DIP2C: variants seen among roughly 807,000 people sequenced by gnomAD.
DIP2C encodes the protein DIP2 acetate--CoA ligase C (putative), also known as disco-interacting protein 2 homolog C.
A neutral mutation model predicts 192.4 loss-of-function variants in DIP2C; 33 were observed. The ratio of observed to expected loss-of-function variants is 0.17; its 90% CI spans 0.13 to 0.23. DIP2C has a LOEUF of 0.23. DIP2C is among the 10% of genes least tolerant of loss of function. The pLI is 1.00. For missense variants in DIP2C, 1,537 were observed against 2,110.1 expected, an observed-to-expected ratio of 0.73 and a Z score of 5.32; for synonymous variants, 979 against 864.1, an observed-to-expected ratio of 1.13 and a Z score of -2.33.
At chr10:637,839 G>A (rs925270998) in intron 1 of DIP2C, among the ~76,000 whole-genome samples, 22 of 152,236 alleles carry the variant, frequency 1.4e-4, no homozygotes, top group Non-Finnish European at 2.9e-4. Context: ...CCCGCTGAGT[G>A]CCCTGGTCTG....
At chr10:414,739 G>GTGTGTGTGTGTGTGTATATATA in intron 7 of DIP2C, among the ~76,000 whole-genome samples, 11 of 90,536 alleles carry the variant, frequency 1.2e-4, no homozygotes, top group South Asian at 4.0e-4. Context: ...GTGTGTGTGT[G>GTGTGTGTGTGTGTGTATATATA]TACATATATA....
At chr10:423,606 AGT>A (rs972867504) in intron 4 of DIP2C, among the ~76,000 whole-genome samples, 21 of 151,486 alleles carry the variant, frequency 1.4e-4, no homozygotes, top group African/African-American at 5.1e-4. Flanking sequence ...TTTCTACATC[AGT>A]GTGTTAGATA....
chr10:349,158 G>A (rs1958665101), intron 25 of DIP2C, among the ~76,000 whole-genome samples, 173 bp downstream of exon 25: 1 of 152,240 alleles, frequency 6.6e-6, no homozygotes, highest in Non-Finnish European at 1.5e-5. Flanking sequence ...GCTGGTGCCT[G>A]TGAGTGGTCG....
chr10:353,979 G>A (rs1175316728), intron 24 of DIP2C, among the ~76,000 whole-genome samples: 1 of 152,252 alleles, frequency 6.6e-6, no homozygotes, highest in Non-Finnish European at 1.5e-5. Context: ...AATGCCGTGA[G>A]GACGATGCTG....
chr10:377,102 C>T (rs1961692102), intron 17 of DIP2C, among the ~76,000 whole-genome samples: 2 of 151,436 alleles, frequency 1.3e-5, no homozygotes, highest in Non-Finnish European at 2.9e-5. Context: ...GGAAAGTGAG[C>T]TGCCCATCTT....
intron 10 of DIP2C, among the ~76,000 whole-genome samples, chr10:395,423 C>T (rs1031090717): frequency 6.6e-6 from 1 of 152,036 alleles, no homozygotes; most frequent in African/African-American, 2.4e-5. Flanking sequence ...ATAATTATAA[C>T]TTGTCAGTTA....
At chr10:315,352 A>C (rs1457997423) in intron 31 of DIP2C, among the ~76,000 whole-genome samples, 1 of 152,088 alleles carries the variant, frequency 6.6e-6, no homozygotes. Flanking sequence ...TTTGGGCTTC[A>C]TTTTGCTATC....
At chr10:384,242 G>C in intron 15 of DIP2C, 96 bp from the exon 16 acceptor site, 4 of 766,476 alleles carry the variant, frequency 5.2e-6, no homozygotes, top group Non-Finnish European at 7.8e-6. Context: ...GAAGGGTGAA[G>C]AATCACTGGT....
intron 1 of DIP2C, among the ~76,000 whole-genome samples, chr10:496,170 C>T (rs1211186017): frequency 6.8e-6 from 1 of 146,682 alleles, no homozygotes; most frequent in Non-Finnish European, 1.5e-5. Flanking sequence ...TGCACAGAAC[C>T]CACGGTGCCC....
At chr10:596,915 G>C (rs751295727) in intron 1 of DIP2C, among the ~76,000 whole-genome samples, 23 of 152,256 alleles carry the variant, frequency 1.5e-4, no homozygotes, top group African/African-American at 5.1e-4. Flanking sequence ...ATAGTGACGC[G>C]AACATGCAGA....
At chr10:621,615 C>T (rs190900093) in intron 1 of DIP2C, among the ~76,000 whole-genome samples, 1 of 152,242 alleles carries the variant, frequency 6.6e-6, no homozygotes, top group Admixed American at 6.5e-5. Context: ...GGTCTTGGGC[C>T]GGCTCCCCTC....
At chr10:291,782 T>C (rs1279457051) in intron 32 of DIP2C, among the ~76,000 whole-genome samples, 1 of 152,220 alleles carries the variant, frequency 6.6e-6, no homozygotes, top group Non-Finnish European at 1.5e-5. Context: ...GCGTGAGTTA[T>C]AAGTAGCTGG....
At chr10:605,431 C>T (rs1015972312) in intron 1 of DIP2C, among the ~76,000 whole-genome samples, 3 of 152,194 alleles carry the variant, frequency 2.0e-5, no homozygotes, top group Non-Finnish European at 2.9e-5. Context: ...AAATTCCTTA[C>T]AGAAAAACTA....
chr10:297,171 G>A (rs182186145), intron 32 of DIP2C, among the ~76,000 whole-genome samples: 25 of 151,392 alleles, frequency 1.7e-4, no homozygotes, highest in African/African-American at 5.6e-4. Flanking sequence ...TCCAGCCTGG[G>A]TAACAGAGTG....
chr10:616,012 T>C (rs1465418272), intron 1 of DIP2C, among the ~76,000 whole-genome samples: 3 of 152,172 alleles, frequency 2.0e-5, no homozygotes, highest in African/African-American at 7.2e-5. Context: ...TTTTTCCACA[T>C]TTATCACCCT....
chr10:425,797 G>A (rs1019129468), intron 4 of DIP2C, among the ~76,000 whole-genome samples: 2 of 152,204 alleles, frequency 1.3e-5, no homozygotes, highest in East Asian at 1.9e-4. Flanking sequence ...GTTAACCTTA[G>A]GAGACATAGA....
intron 3 of DIP2C, among the ~76,000 whole-genome samples, chr10:443,896 G>A (rs1967939160): frequency 1.3e-5 from 2 of 152,126 alleles, no homozygotes; most frequent in South Asian, 2.1e-4. Flanking sequence ...TTGGAAGGGC[G>A]GGAGTACAAA....
intron 29 of DIP2C, among the ~76,000 whole-genome samples, chr10:334,619 T>TCAAG (rs1957667825): frequency 2.0e-5 from 3 of 152,350 alleles, no homozygotes; most frequent in African/African-American, 7.2e-5. Context: ...TGACGTTGAG[T>TCAAG]CAAGGTTTAA....
intron 24 of DIP2C, among the ~76,000 whole-genome samples, chr10:354,567 C>T (rs1958982894): frequency 6.6e-6 from 1 of 152,156 alleles, no homozygotes; most frequent in African/African-American, 2.4e-5. Flanking sequence ...CCCATCAATA[C>T]CTCTAGATTA....
Sources: allele counts gnomAD v4.1 joint callset (sites outside exome capture counted in the v4.1 genomes callset), GRCh38; gene constraint gnomAD v4.1.1; transcripts MANE v1.5; gene names NCBI Gene and HGNC (gene_info 2026-07-23, HGNC 2026-07-21).